C1orf87: variants seen among roughly 807,000 people sequenced by gnomAD.
C1orf87 encodes the protein uncharacterized protein C1orf87.
A neutral mutation model predicts 60.5 loss-of-function variants in C1orf87; 58 were observed. That is an observed-to-expected ratio of 0.96 (90% CI 0.78 to 1.19). C1orf87 has a LOEUF of 1.19. Ranked by LOEUF, C1orf87 falls within the 50% of genes most tolerant of loss-of-function variation. The pLI is 0.00. For missense variants in C1orf87, 673 were observed against 638.6 expected (o/e 1.05, Z -0.58); for synonymous variants, 236 against 227.4 (o/e 1.04, Z -0.34).
chr1:59,994,049 G>A (rs928231270), intron 11 of C1orf87, among the ~76,000 whole-genome samples: 1 of 152,138 alleles, frequency 6.6e-6, no homozygotes, highest in African/African-American at 2.4e-5. Flanking sequence ...GTGAGCCACT[G>A]CACCCCACCA....
intron 11 of C1orf87, among the ~76,000 whole-genome samples, chr1:59,993,115 A>G (rs961290620): frequency 2.6e-5 from 4 of 152,128 alleles, no homozygotes; most frequent in African/African-American, 9.7e-5. Flanking sequence ...GGTGGCATGC[A>G]CCAGCTAAGG....
In C1orf87 at chr1:60,047,161, A is replaced by G. The variant is rs182346159; in HGVS notation, c.343-6030T>C. ...TTTAAAGGGAAACGTCCCTTCATCA[A>G]CTATTACTTCAGATACAGTTTGCAT... On this transcript the variant is annotated intron_variant, in intron 3 of 11. Transcript: ENST00000371201. Among the ~76,000 whole-genome samples the G allele has an allele frequency of 3.1e-4, 47 of 152,278 alleles. No individual in the cohort carries two copies. The East Asian group carries it at 9.1e-3, about 29-fold the overall frequency.
intron 2 of C1orf87, among the ~76,000 whole-genome samples, chr1:60,064,746 TTAAATATA>T (rs1438646388): frequency 5.3e-5 from 5 of 94,050 alleles, no homozygotes; most frequent in East Asian, 5.1e-4. Context: ...AAATAGAATA[TTAAATATA>T]TAAATATATA....
At chr1:59,999,136 G>C (rs984240744) in intron 10 of C1orf87, among the ~76,000 whole-genome samples, 1 of 152,110 alleles carries the variant, frequency 6.6e-6, no homozygotes, top group Non-Finnish European at 1.5e-5. Flanking sequence ...AGAATTGTAA[G>C]TGCAATAAGA....
chr1:59,995,742 T>C (rs920645531), intron 11 of C1orf87, among the ~76,000 whole-genome samples: 3 of 152,226 alleles, frequency 2.0e-5, no homozygotes, highest in African/African-American at 7.2e-5. Flanking sequence ...TTCATTTGTC[T>C]CAAACTCTTG....
intron 3 of C1orf87, among the ~76,000 whole-genome samples, chr1:60,052,504 T>C (rs1645421747): frequency 6.6e-6 from 1 of 152,220 alleles, no homozygotes; most frequent in Non-Finnish European, 1.5e-5. Context: ...TGTTTATTTG[T>C]AAGATATCTC....
At chr1:60,064,300 TTA>T (rs1005988196) in intron 2 of C1orf87, among the ~76,000 whole-genome samples, 11 of 129,218 alleles carry the variant, frequency 8.5e-5, no homozygotes, top group African/African-American at 3.3e-4. Flanking sequence ...TATATATATT[TTA>T]TATATAATAT....
chr1:60,067,985 T>C (rs1265906274), intron 2 of C1orf87, among the ~76,000 whole-genome samples: 1 of 152,192 alleles, frequency 6.6e-6, no homozygotes, highest in Non-Finnish European at 1.5e-5. Context: ...AGGAAATCTT[T>C]TCCTCATTGC....
intron 8 of C1orf87, among the ~76,000 whole-genome samples, chr1:60,020,928 AG>A (rs1335109352): frequency 1.3e-5 from 2 of 152,126 alleles, no homozygotes; most frequent in Non-Finnish European, 2.9e-5. Flanking sequence ...TATTGAAGGA[AG>A]GGCCTGGTGG....
intron 10 of C1orf87, among the ~76,000 whole-genome samples, chr1:59,998,996 C>A (rs894210515): frequency 2.6e-5 from 4 of 152,070 alleles, no homozygotes; most frequent in African/African-American, 4.8e-5. Flanking sequence ...ATTAATTCAC[C>A]ATAAAATTAT....
At chr1:60,028,949 A>AT in intron 7 of C1orf87, among the ~76,000 whole-genome samples, 1 of 151,482 alleles carries the variant, frequency 6.6e-6, no homozygotes, top group East Asian at 1.9e-4. Context: ...GCCTTCTTCC[A>AT]TTCTCACTTG....
At chr1:60,037,152 G>A (rs1645283942) in intron 6 of C1orf87, among the ~76,000 whole-genome samples, 1 of 152,180 alleles carries the variant, frequency 6.6e-6, no homozygotes, top group Non-Finnish European at 1.5e-5. Flanking sequence ...TTCTGCATCG[G>A]GTGAGGTGTT....
chr1:60,044,276 C>A (rs546104975), intron 3 of C1orf87, among the ~76,000 whole-genome samples: 1 of 152,064 alleles, frequency 6.6e-6, no homozygotes, highest in African/African-American at 2.4e-5. Context: ...GTGATCTGCC[C>A]GCCTCGGCCT....
Position 60,054,243 on chromosome 1 carries a change from C to T in C1orf87, c.342+961G>A, listed in dbSNP as rs533162350. Among the ~76,000 whole-genome samples, 12 of 152,252 alleles carry T rather than the reference C, an allele frequency of 7.9e-5. No homozygotes were observed. The South Asian group carries it at 2.5e-3, about 32-fold the overall frequency. The stretch of plus-strand genomic sequence containing the variant: ...TGTCACTCATGTTTTGGGAAAGTCA[C>T]TTTCATTTCTGGTCTTCAGTGTTCA... On this transcript the variant is annotated intron_variant, in intron 3 of 11. Transcript: ENST00000371201.
At chr1:60,042,745 A>T (rs1054572032) in intron 3 of C1orf87, among the ~76,000 whole-genome samples, 1 of 152,240 alleles carries the variant, frequency 6.6e-6, no homozygotes, top group African/African-American at 2.4e-5. Context: ...TTATTCCTTC[A>T]TTTAAAAAAC....
At chr1:60,037,954 C>T (rs972254345) in intron 6 of C1orf87, 38 bp downstream of exon 6, 9 of 1,419,666 alleles carry the variant, frequency 6.3e-6, no homozygotes, top group African/African-American at 4.2e-5. Flanking sequence ...GACTAAGACA[C>T]CTAGGAACAA....
chr1:59,991,749 C>T (rs1313829458), intron 11 of C1orf87, among the ~76,000 whole-genome samples: 1 of 152,120 alleles, frequency 6.6e-6, no homozygotes, highest in African/African-American at 2.4e-5. Context: ...GGTACCCACA[C>T]ATTATATATG....
At chr1:60,002,508 G>T (rs1367205522) in intron 9 of C1orf87, among the ~76,000 whole-genome samples, 1 of 152,022 alleles carries the variant, frequency 6.6e-6, no homozygotes, top group East Asian at 1.9e-4. Context: ...ATTTGTTTGA[G>T]TTCATTGTAG....
intron 11 of C1orf87, among the ~76,000 whole-genome samples, chr1:59,992,925 T>C (rs1017170110): frequency 1.2e-4 from 19 of 152,240 alleles, no homozygotes; most frequent in African/African-American, 4.3e-4. Context: ...CTTTCATTTA[T>C]GTAAACCTCA....
Sources: gnomAD v4.1 joint callset for allele counts (sites outside exome capture counted in the v4.1 genomes callset) on GRCh38, gnomAD v4.1.1 for gene constraint, MANE v1.5 for transcripts, NCBI Gene and HGNC (gene_info 2026-07-23, HGNC 2026-07-21) for gene names.